Variants in PTPRD observed in about 807,000 individuals in gnomAD.
PTPRD encodes the protein protein tyrosine phosphatase receptor type D, also known as receptor-type tyrosine-protein phosphatase delta.
In PTPRD, 34 loss-of-function variants were observed where a neutral mutation model predicts 214.5. That is an observed-to-expected ratio of 0.16 (90% CI 0.12 to 0.21). The LOEUF (loss-of-function observed/expected upper bound fraction) is 0.21, where lower values mean the gene tolerates loss of function less well. Ranked by LOEUF, PTPRD falls within the 10% of genes least tolerant of loss-of-function variation. The pLI is 1.00. For synonymous variants in PTPRD, 1,128 were observed against 845.7 expected (o/e 1.33, Z -5.79); for missense variants, 2,545 against 2,398.7 (o/e 1.06, Z -1.27).
At chr9:9,783,559 A>G (rs1407138653) in intron 5 of PTPRD, among the ~76,000 whole-genome samples, 1 of 152,146 alleles carries the variant, frequency 6.6e-6, no homozygotes, top group Non-Finnish European at 1.5e-5. Context: ...TTAAACCAAG[A>G]TGTACATTTT....
intron 30 of PTPRD, among the ~76,000 whole-genome samples, chr9:8,475,531 C>T (rs893062410): frequency 1.3e-5 from 2 of 152,134 alleles, no homozygotes; most frequent in African/African-American, 4.8e-5. Context: ...TTTCCAGACT[C>T]ATATCTTTAG....
intron 8 of PTPRD, among the ~76,000 whole-genome samples, chr9:9,539,103 G>C (rs371453253): frequency 3.3e-4 from 50 of 151,944 alleles, no homozygotes; most frequent in African/African-American, 1.1e-3. Flanking sequence ...AAACAGTACA[G>C]GGTGATGTAA....
intron 3 of PTPRD, among the ~76,000 whole-genome samples, chr9:10,042,277 G>C (rs1427498955): frequency 6.6e-6 from 1 of 151,952 alleles, no homozygotes; most frequent in Non-Finnish European, 1.5e-5. Flanking sequence ...CTATTATGCA[G>C]TTCTGAGGAA....
chr9:8,508,885 GTGTGTC>G (rs1307041332), intron 21 of PTPRD, among the ~76,000 whole-genome samples: 1,669 of 147,510 alleles, frequency 0.011, 35 homozygotes, highest in African/African-American at 0.037. Context: ...ATGTGTGTGT[GTGTGTC>G]TGTGTGTGTG....
chr9:10,365,110 A>G (rs1330165047), intron 2 of PTPRD, among the ~76,000 whole-genome samples: 1 of 152,098 alleles, frequency 6.6e-6, no homozygotes, highest in Non-Finnish European at 1.5e-5. Context: ...TAGCTGAAGG[A>G]CTCATCATCT....
chr9:8,899,001 G>A (rs1024292401), intron 11 of PTPRD, among the ~76,000 whole-genome samples: 2 of 152,130 alleles, frequency 1.3e-5, no homozygotes, highest in Admixed American at 1.3e-4. Flanking sequence ...GTGACTTCAT[G>A]AAAATTTGTC....
At chr9:8,839,402 T>C (rs924958520) in intron 11 of PTPRD, among the ~76,000 whole-genome samples, 16 of 152,176 alleles carry the variant, frequency 1.1e-4, no homozygotes, top group Admixed American at 8.5e-4. Flanking sequence ...CTTGGCTCAC[T>C]GCAGCCTCTG....
intron 9 of PTPRD, among the ~76,000 whole-genome samples, chr9:9,323,406 T>G (rs1967714177): frequency 6.6e-6 from 1 of 152,102 alleles, no homozygotes; most frequent in Non-Finnish European, 1.5e-5. Flanking sequence ...AACCTTAAGG[T>G]TGAGAAAATG....
chr9:8,524,721 G>A (rs2097972225), intron 18 of PTPRD: 4 of 707,332 alleles, frequency 5.7e-6, no homozygotes, highest in Non-Finnish European at 1.0e-5. Context: ...CAAGCCTCAG[G>A]ACAGATTATA....
chr9:8,334,945 C>A (rs1845126294), intron 43 of PTPRD, among the ~76,000 whole-genome samples: 1 of 149,488 alleles, frequency 6.7e-6, no homozygotes, highest in Non-Finnish European at 1.5e-5. Flanking sequence ...CGTACACCCT[C>A]CCAAGACTAA....
chr9:9,701,913 G>T (rs1311615102), intron 7 of PTPRD, among the ~76,000 whole-genome samples: 1 of 152,112 alleles, frequency 6.6e-6, no homozygotes, highest in Non-Finnish European at 1.5e-5. Flanking sequence ...GAGGTCAGGA[G>T]TTCAAGACAA....
intron 3 of PTPRD, among the ~76,000 whole-genome samples, chr9:10,063,142 C>T (rs2097805739): frequency 6.6e-6 from 1 of 152,002 alleles, no homozygotes; most frequent in African/African-American, 2.4e-5. Flanking sequence ...AGCAAGTACA[C>T]TAATATGTTA....
At chr9:8,735,658 C>T (rs2090104108) in intron 11 of PTPRD, among the ~76,000 whole-genome samples, 1 of 152,080 alleles carries the variant, frequency 6.6e-6, no homozygotes, top group Non-Finnish European at 1.5e-5. Flanking sequence ...GCCTGTAATT[C>T]CACCACTTTC....
chr9:8,581,539 G>C (rs900195375), intron 14 of PTPRD, among the ~76,000 whole-genome samples: 1 of 149,142 alleles, frequency 6.7e-6, no homozygotes, highest in Admixed American at 6.7e-5. Context: ...ACGAGGTCAG[G>C]ATATTGAGAC....
At chr9:9,530,749 C>A (rs1009138183) in intron 8 of PTPRD, among the ~76,000 whole-genome samples, 1 of 152,006 alleles carries the variant, frequency 6.6e-6, no homozygotes, top group African/African-American at 2.4e-5. Flanking sequence ...ATGGATGGAA[C>A]AGAGGTGATA....
chr9:8,827,267 A>C lies in PTPRD; in HGVS notation c.-103-93321T>G, dbSNP rs557304409. 2.6e-5 allele frequency among the ~76,000 whole-genome samples: 4 copies of C among 152,166 alleles called. No individual in the cohort carries two copies. The South Asian group carries it at 8.3e-4, about 32-fold the overall frequency. ...CCCCAAACCTAGGGAAATCTATGGT[A>C]AATAGATACGTGACTCAACCCATCA... On this transcript the variant is annotated intron_variant, in intron 11 of 45. Coordinates refer to ENST00000381196, the MANE Select transcript of PTPRD (RefSeq NM_002839.4).
intron 5 of PTPRD, among the ~76,000 whole-genome samples, chr9:9,826,590 T>C (rs188119635): frequency 1.3e-5 from 2 of 152,144 alleles, no homozygotes; most frequent in African/African-American, 4.8e-5. Flanking sequence ...GAAAAGTAGA[T>C]GTATACATAT....
At chr9:8,326,259 T>A (rs11535418) in intron 44 of PTPRD, among the ~76,000 whole-genome samples, 18,159 of 152,136 alleles carry the variant, frequency 0.12, 1,337 homozygotes, top group African/African-American at 0.21. Context: ...TACCTAGTTT[T>A]TTGAGAGTTG....
intron 7 of PTPRD, among the ~76,000 whole-genome samples, chr9:9,595,729 TG>T (rs2093292553): frequency 6.6e-6 from 1 of 151,678 alleles, no homozygotes; most frequent in Non-Finnish European, 1.5e-5. Context: ...CACTCATAAG[TG>T]GAAGCTAAGC....
Sources: gnomAD v4.1 joint callset for allele counts (sites outside exome capture counted in the v4.1 genomes callset) on GRCh38, gnomAD v4.1.1 for gene constraint, MANE v1.5 for transcripts, NCBI Gene and HGNC (gene_info 2026-07-23, HGNC 2026-07-21) for gene names.